The following CACNG8 variants were observed in gnomAD, a reference collection of about 807,000 sequenced individuals.
The protein encoded by CACNG8 is calcium voltage-gated channel auxiliary subunit gamma 8.
CACNG8 carries 5 observed loss-of-function variants against 26.9 expected under a neutral mutation model. The observed-to-expected ratio is 0.19, with a 90% confidence interval of 0.10 to 0.39. CACNG8 has a LOEUF of 0.39. CACNG8 is among the 10% of genes least tolerant of loss of function. CACNG8 has a pLI of 1.00. For synonymous variants in CACNG8, 321 were observed against 296.7 expected, an observed-to-expected ratio of 1.08 and a Z score of -0.84; for missense variants, 473 against 609.4, an observed-to-expected ratio of 0.78 and a Z score of 2.36.
At chr19:53,975,367 C>T (rs183676761) in intron 1 of CACNG8, among the ~76,000 whole-genome samples, 96 of 151,710 alleles carry the variant, frequency 6.3e-4, no homozygotes, top group African/African-American at 2.3e-3. Context: ...TGCTTGTGGA[C>T]CCATTCAATC....
At chr19:53,965,371 G>A in intron 1 of CACNG8, among the ~76,000 whole-genome samples, 1 of 152,100 alleles carries the variant, frequency 6.6e-6, no homozygotes, top group Non-Finnish European at 1.5e-5. Flanking sequence ...CTTCCCCACA[G>A]TCACCTCCAT....
At chr19:53,981,982 G>T (rs1450225558) in intron 3 of CACNG8, 98 bp from the exon 4 acceptor site, 29 of 1,324,958 alleles carry the variant, frequency 2.2e-5, no homozygotes, top group Middle Eastern at 2.7e-4. Context: ...TGGGGGTGGC[G>T]CCTGGGCCCG....
intron 1 of CACNG8, among the ~76,000 whole-genome samples, chr19:53,967,255 G>A (rs2069276766): frequency 6.6e-6 from 1 of 152,168 alleles, no homozygotes; most frequent in Non-Finnish European, 1.5e-5. Context: ...GAATAGGGGA[G>A]CCATTCATAA....
chr19:53,965,119 G>T (rs2069265185), intron 1 of CACNG8, among the ~76,000 whole-genome samples: 1 of 152,170 alleles, frequency 6.6e-6, no homozygotes, highest in Admixed American at 6.5e-5. Flanking sequence ...TGAGAAAGGG[G>T]CCGAGCCAAG....
rs1332754708 is a variant in CACNG8, at chr19:53,979,943, C to T, written c.444C>T (p.Ala148=). 19 of 1,612,956 alleles carry T rather than the reference C, an allele frequency of 1.2e-5. No homozygotes were observed. Among genetic ancestry groups the T allele is most frequent in the Admixed American group, 8.4e-5 (5 of 59,870 alleles). The change falls in exon 3 of 4, where the codon GCC becomes GCT. Residue 148 remains alanine, a synonymous_variant. Transcript: ENST00000270458. Reference sequence around the variant, plus strand: ...TGCTCGGGGGTGTGTGCGTGGCGGCCTCCCGCGTCTACAAGTCCAAGAGGA... The same window carrying T: ...TGCTCGGGGGTGTGTGCGTGGCGGCTTCCCGCGTCTACAAGTCCAAGAGGA...
chr19:53,972,665 T>C (rs987474882), intron 1 of CACNG8, among the ~76,000 whole-genome samples: 1 of 152,174 alleles, frequency 6.6e-6, no homozygotes, highest in Non-Finnish European at 1.5e-5. Context: ...CCTGGGCTTC[T>C]GTGCCTAACT....
In CACNG8 at chr19:53,987,622, ACT is replaced by A. The variant is rs1026276674; in HGVS notation, c.*4778_*4779del. 2.0e-5 allele frequency: 3 copies of A among 152,010 alleles called. No individual in the cohort carries two copies. The highest frequency in any genetic ancestry group is 4.4e-5 in the Non-Finnish European group (3 of 67,996). 9.4% of individuals were successfully genotyped at this position (152,010 alleles called of 1,614,324 possible). A position where few individuals can be genotyped will look rare whatever the true frequency, so the allele number is the denominator to read the frequency against. ...AGGAAAAGGAACCAGGAAGAGAAGA[ACT>A]CTCTGAATTGGGCACGCACATCTCT... On this transcript the variant is annotated 3_prime_UTR_variant, in exon 4 of 4. Coordinates refer to ENST00000270458, the MANE Select transcript of CACNG8 (RefSeq NM_031895.6).
At chr19:53,977,448 T>A (rs973843822) in intron 1 of CACNG8, among the ~76,000 whole-genome samples, 1 of 152,104 alleles carries the variant, frequency 6.6e-6, no homozygotes, top group African/African-American at 2.4e-5. Context: ...AGGATGAGCA[T>A]CTTAGGAGGG....
chr19:53,989,475 C>G lies in CACNG8; in HGVS notation c.*6626C>G, dbSNP rs2069427506. 1 of 152,458 alleles carries G rather than the reference C, an allele frequency of 6.6e-6. No homozygotes were observed. 9.4% of individuals were successfully genotyped at this position (152,458 alleles called of 1,614,324 possible). ...AGAAAGCAACGTGGAGACTCAGAAG[C>G]AAGCACAGCATCAAGGAATGATCAA... is the stretch of plus-strand genomic sequence containing the variant. On this transcript the variant is annotated 3_prime_UTR_variant, in exon 4 of 4. Transcript: ENST00000270458.
intron 1 of CACNG8, among the ~76,000 whole-genome samples, chr19:53,975,717 C>G (rs536548776): frequency 2.4e-4 from 36 of 152,318 alleles, no homozygotes; most frequent in African/African-American, 8.7e-4. Context: ...TTATTAAGCA[C>G]TCAATATGCA....
intron 3 of CACNG8, 90 bp downstream of exon 3, chr19:53,980,097 CGTGAGT>C: frequency 2.7e-5 from 36 of 1,324,606 alleles, no homozygotes; most frequent in South Asian, 3.2e-5. Flanking sequence ...CGCGCGCGCG[CGTGAGT>C]GCAAGTGCGC....
intron 1 of CACNG8, among the ~76,000 whole-genome samples, chr19:53,977,789 G>C (rs2069338762): frequency 6.6e-6 from 1 of 152,176 alleles, no homozygotes; most frequent in African/African-American, 2.4e-5. Flanking sequence ...TATTATTGAA[G>C]CCAACAACAC....
chr19:53,980,557 G>C (rs955471918), intron 3 of CACNG8, among the ~76,000 whole-genome samples: 2 of 152,176 alleles, frequency 1.3e-5, no homozygotes, highest in Non-Finnish European at 2.9e-5. Flanking sequence ...GGGTAAGGGA[G>C]ACTGAATCGG....
At chr19:53,964,203 C>G (rs535048717) in intron 1 of CACNG8, among the ~76,000 whole-genome samples, 1 of 151,918 alleles carries the variant, frequency 6.6e-6, no homozygotes, top group Non-Finnish European at 1.5e-5. Flanking sequence ...TTCTCTCTCC[C>G]GACATTTCCC....
chr19:53,981,310 C>G (rs543895169), intron 3 of CACNG8, among the ~76,000 whole-genome samples: 173 of 151,532 alleles, frequency 1.1e-3, no homozygotes, highest in African/African-American at 3.7e-3. Flanking sequence ...GGCCTGGAAA[C>G]TCATCTCATC....
At chr19:53,975,981 T>C (rs1337650276) in intron 1 of CACNG8, among the ~76,000 whole-genome samples, 2 of 152,188 alleles carry the variant, frequency 1.3e-5, no homozygotes, top group Non-Finnish European at 2.9e-5. Context: ...GTAGGTCCTG[T>C]TCTCTGCATT....
Position 53,982,895 on chromosome 19 carries a change from G to A in CACNG8, c.*46G>A, listed in dbSNP as rs929964852. Reference sequence around the variant, plus strand: ...GGGGCGTGTCCGGGGCGCGTGCGCGGGCGCGCGTGCATCGAGGCTGCCGGG... The same window carrying A: ...GGGGCGTGTCCGGGGCGCGTGCGCGAGCGCGCGTGCATCGAGGCTGCCGGG... On this transcript the variant is annotated 3_prime_UTR_variant, in exon 4 of 4. Coordinates refer to ENST00000270458, the MANE Select transcript of CACNG8 (RefSeq NM_031895.6). The surrounding 1 kb of genome is among the most constrained non-coding windows in gnomAD (Gnocchi z 8.4). 3 of 1,201,322 alleles carry A rather than the reference G, an allele frequency of 2.5e-6. No individual in the cohort carries two copies. The highest frequency in any genetic ancestry group is 3.1e-6 in the Non-Finnish European group (3 of 964,100). The allele number at this position is 1,201,322 out of a possible 1,614,324, so 74.4% of individuals were successfully genotyped here. A position where few individuals can be genotyped will look rare whatever the true frequency, so the allele number is the denominator to read the frequency against.
At chr19:53,977,357 C>G (rs1320876339) in intron 1 of CACNG8, among the ~76,000 whole-genome samples, 1 of 152,188 alleles carries the variant, frequency 6.6e-6, no homozygotes, top group Non-Finnish European at 1.5e-5. Flanking sequence ...ATTGTTTATA[C>G]TTATATTTTT....
chr19:53,972,399 T>C (rs943561935), intron 1 of CACNG8, among the ~76,000 whole-genome samples: 1 of 147,664 alleles, frequency 6.8e-6, no homozygotes, highest in Non-Finnish European at 1.5e-5. Flanking sequence ...TTCACTCTTG[T>C]CGCCCAGGCT....
Sources: gnomAD v4.1 joint callset for allele counts (sites outside exome capture counted in the v4.1 genomes callset) on GRCh38, gnomAD v4.1.1 for gene constraint, Gnocchi (gnomAD v3.1) non-coding constraint, MANE v1.5 for transcripts, NCBI Gene and HGNC (gene_info 2026-07-23, HGNC 2026-07-21) for gene names.